The following RFC5 variants were observed in gnomAD, a reference collection of about 807,000 sequenced individuals.
RFC5 encodes the protein A1 36 kDa subunit.
Under a neutral mutation model 44.3 loss-of-function variants are expected in RFC5, and 26 were observed. That is an observed-to-expected ratio of 0.59 (90% CI 0.43 to 0.81). RFC5 has a LOEUF of 0.81. RFC5 is among the 40% of genes least tolerant of loss of function. The probability of loss-of-function intolerance (pLI) is 0.00; values close to 1 mark genes in which losing one functional copy is unlikely to be tolerated. For synonymous variants in RFC5, 155 were observed against 155.2 expected (o/e 1.00, Z 0.01); for missense variants, 328 against 418.6 (o/e 0.78, Z 1.89).
chr12:118,023,950 C>T (rs774825636), intron 5 of RFC5, among the ~76,000 whole-genome samples: 1 of 152,124 alleles, frequency 6.6e-6, no homozygotes, highest in Non-Finnish European at 1.5e-5. Flanking sequence ...GGCGCAGTGG[C>T]TCACACCTGT....
chr12:118,039,293 T>C, the RFC5 span, among the ~76,000 whole-genome samples: 6,741 of 152,146 alleles, frequency 0.044, 496 homozygotes, highest in African/African-American at 0.15. Flanking sequence ...GCTCTTGCTT[T>C]AAAAATAAAA....
chr12:118,040,192 T>C, the RFC5 span, among the ~76,000 whole-genome samples: 415 of 152,060 alleles, frequency 2.7e-3, 1 homozygote, highest in East Asian at 0.027. Flanking sequence ...AGGTCAATCA[T>C]GGTTTCTTCA....
At chr12:118,026,367 C>A (rs543343025) in intron 7 of RFC5, among the ~76,000 whole-genome samples, 15 of 152,014 alleles carry the variant, frequency 9.9e-5, no homozygotes, top group Non-Finnish European at 2.2e-4. Flanking sequence ...CTTAGGGATG[C>A]CGAGGGAGGT....
chr12:118,039,871 G>A, the RFC5 span, among the ~76,000 whole-genome samples: 1 of 151,704 alleles, frequency 6.6e-6, no homozygotes, highest in Non-Finnish European at 1.5e-5. Flanking sequence ...AGCCTCCCGA[G>A]TAGCTGGGAT....
At chr12:118,037,256 A>T (rs1048682765), downstream of RFC5, among the ~76,000 whole-genome samples, 2 of 152,030 alleles carry the variant, frequency 1.3e-5, no homozygotes, top group African/African-American at 2.4e-5. Flanking sequence ...GGCATTTTAC[A>T]CCCCCCACCT....
chr12:118,022,158 G>C, intron 4 of RFC5, 128 bp from the exon 5 acceptor site: 1 of 725,412 alleles, frequency 1.4e-6, no homozygotes, highest in Non-Finnish European at 2.4e-6. Context: ...GTCTGCCTTG[G>C]CCAAAGTTCT....
chr12:118,022,181 CTT>C (rs561548618), intron 4 of RFC5, 103 bp from the exon 5 acceptor site: 105 of 887,764 alleles, frequency 1.2e-4, no homozygotes, highest in Non-Finnish European at 1.8e-4. Flanking sequence ...AAGAAATTGT[CTT>C]TCTGAGACAG....
downstream of RFC5, chr12:118,034,116 A>T: frequency 6.4e-7 from 1 of 1,558,434 alleles, no homozygotes; most frequent in Non-Finnish European, 8.8e-7. Context: ...GCAAGACCAG[A>T]TGTTTGGCCC....
At chr12:118,033,543 T>C (rs1295562239), downstream of RFC5, 1 of 146,016 alleles carries the variant, frequency 6.8e-6, no homozygotes, top group Non-Finnish European at 1.5e-5. Context: ...ATGCACACCA[T>C]TGTTAAAAAA....
Position 118,025,848 on chromosome 12 carries a change from CTTTTTTTTTT to C in RFC5, c.663+29_663+38del. ...TTGCAGGTATGGTCTCAAGCAAATC[CTTTTTTTTTT>C]TTTTTTTTGAGACAGAGTCTTGCTC... is the stretch of plus-strand genomic sequence containing the variant. On this transcript the variant is annotated intron_variant, in intron 7 of 10. Transcript: ENST00000454402. 2.0e-6 allele frequency: 2 copies of C among 1,009,348 alleles called. No individual in the cohort carries two copies. Among genetic ancestry groups the C allele is most frequent in the East Asian group, 2.6e-5 (1 of 39,094 alleles). The allele number at this position is 1,009,348 out of a possible 1,614,324, so 62.5% of individuals were successfully genotyped here. A position where few individuals can be genotyped will look rare whatever the true frequency, so the allele number is the denominator to read the frequency against.
the RFC5 span, among the ~76,000 whole-genome samples, chr12:118,041,241 A>T: frequency 6.6e-6 from 1 of 152,174 alleles, no homozygotes; most frequent in Non-Finnish European, 1.5e-5. Flanking sequence ...TCAATAGGTC[A>T]TGAGGGTGAA....
Position 118,016,839 on chromosome 12 carries a change from A to C in RFC5, c.12A>C (p.Ser4=). 1 of 1,613,390 alleles carries C rather than the reference A, an allele frequency of 6.2e-7. No homozygotes were observed. The change falls in exon 1 of 11, where the codon TCA becomes TCC. Residue 4 remains serine (S), a synonymous_variant. Coordinates refer to ENST00000454402, the MANE Select transcript of RFC5 (RefSeq NM_007370.7). ...TTCGTCTCCCCGCCATGGAGACCTCAGCACTCAAGCAGCAGGAGCAGCCCG... is the reference window on the plus strand; with the variant it reads ...TTCGTCTCCCCGCCATGGAGACCTCCGCACTCAAGCAGCAGGAGCAGCCCG... The part of the protein sequence containing the change: MET[S]ALKQQEQPAA...
intron 10 of RFC5, among the ~76,000 whole-genome samples, chr12:118,030,296 T>C (rs1257990648): frequency 6.6e-6 from 1 of 152,194 alleles, no homozygotes; most frequent in Non-Finnish European, 1.5e-5. Flanking sequence ...GGGTTCAACA[T>C]AGACGTCAGC....
At chr12:118,029,147 T>G (rs990270776) in intron 9 of RFC5, among the ~76,000 whole-genome samples, 1 of 152,258 alleles carries the variant, frequency 6.6e-6, no homozygotes, top group East Asian at 1.9e-4. Flanking sequence ...AGGATCGGTA[T>G]AGTGGCTGAC....
intron 5 of RFC5, 98 bp downstream of exon 5, chr12:118,022,457 G>A (rs968119356): frequency 1.1e-5 from 9 of 845,536 alleles, no homozygotes; most frequent in East Asian, 5.0e-5. Context: ...TTTTTTAGGC[G>A]GGGGGGAGTT....
In RFC5 at chr12:118,022,288, A is replaced by T. The variant is rs1263620070; in HGVS notation, c.350A>T (p.Lys117Ile). The T allele has an allele frequency of 6.2e-7, 1 of 1,613,230 alleles. No individual in the cohort carries two copies. The highest frequency in any genetic ancestry group is 8.5e-7 in the Non-Finnish European group (1 of 1,179,226). The change falls in exon 5 of 11, where the codon AAA becomes ATA. Residue 117 changes from lysine to isoleucine, a missense_variant and splice_region_variant. Coordinates refer to ENST00000454402, the MANE Select transcript of RFC5 (RefSeq NM_007370.7). Reference sequence around the variant, plus strand: ...GACAGCACCATTTGTTTTTCTAGGAAAGGCTTTAAGCTAGTGATCTTGGAT... The same window carrying T: ...GACAGCACCATTTGTTTTTCTAGGATAGGCTTTAAGCTAGTGATCTTGGAT... ...SFASTRTIFKKGFKLVILDEA... is the reference protein window; with the variant it reads ...SFASTRTIFKIGFKLVILDEA...
chr12:118,032,747 T>G (rs1401370846), downstream of RFC5: 2 of 152,164 alleles, frequency 1.3e-5, no homozygotes, highest in African/African-American at 4.8e-5. Flanking sequence ...CTCACTCTGT[T>G]GCCCAGGCTG....
rs2030112114 is a variant in RFC5 at position 118,016,845 on chromosome 12, C to G, written c.18C>G (p.Leu6=). 3.7e-6 allele frequency: 6 copies of G among 1,613,522 alleles called. No homozygotes were observed. The highest frequency in any genetic ancestry group is 5.1e-6 in the Non-Finnish European group (6 of 1,179,780). ...TCCCCGCCATGGAGACCTCAGCACT[C>G]AAGCAGCAGGAGCAGCCCGCGGCGA... METSA[L]KQQEQPAATK... Residue 6 remains leucine, a synonymous_variant, in exon 1 of 11, where the codon CTC becomes CTG. Transcript: ENST00000454402.
intron 4 of RFC5, among the ~76,000 whole-genome samples, chr12:118,022,051 G>A (rs2030535832): frequency 6.6e-6 from 1 of 152,206 alleles, no homozygotes; most frequent in African/African-American, 2.4e-5. Flanking sequence ...AAGTGAAGAT[G>A]CCAGAGGACA....
Sources: gnomAD v4.1 joint callset for allele counts (sites outside exome capture counted in the v4.1 genomes callset) on GRCh38, gnomAD v4.1.1 for gene constraint, MANE v1.5 for transcripts, NCBI Gene and HGNC (gene_info 2026-07-23, HGNC 2026-07-21) for gene names.